GSG1L: variants seen among roughly 807,000 people sequenced by gnomAD.
GSG1L encodes the protein germ cell-specific gene 1-like protein.
GSG1L carries 24 observed loss-of-function variants against 42.1 expected under a neutral mutation model. The observed-to-expected ratio is 0.57, with a 90% CI of 0.41 to 0.80. The LOEUF (loss-of-function observed/expected upper bound fraction) is 0.80, where lower values mean the gene tolerates loss of function less well. Ranked by LOEUF, GSG1L falls within the 30% of genes least tolerant of loss-of-function variation. The probability of loss-of-function intolerance (pLI) is 0.00; values close to 1 mark genes in which losing one functional copy is unlikely to be tolerated. For missense variants in GSG1L, 445 were observed against 472.2 expected (o/e 0.94, Z 0.53); for synonymous variants, 215 against 203.5 (o/e 1.06, Z -0.48).
intron 2 of GSG1L, among the ~76,000 whole-genome samples, chr16:27,947,285 C>A (rs539117973): frequency 6.6e-6 from 1 of 151,712 alleles, no homozygotes; most frequent in Non-Finnish European, 1.5e-5. Flanking sequence ...TACCACTACG[C>A]CTGGCTAATG....
rs74015171 is a variant in GSG1L at position 27,938,711 on chromosome 16, G to A, written c.397+24445C>T. Among the ~76,000 whole-genome samples the A allele has an allele frequency of 5.8e-3, 884 of 152,366 alleles. 12 individuals carry two copies. The highest frequency in any genetic ancestry group is 0.021 in the African/African-American group (857 of 41,588). On this transcript the variant is annotated intron_variant, in intron 2 of 6. Coordinates refer to ENST00000447459, the MANE Select transcript of GSG1L (RefSeq NM_001109763.2). Reference sequence around the variant, plus strand: ...TCTGTTATGTTCAGGACAAGAGTAAGAAGGTGAGGATGGATGGGCTGCTTG... The same window carrying A: ...TCTGTTATGTTCAGGACAAGAGTAAAAAGGTGAGGATGGATGGGCTGCTTG...
intron 4 of GSG1L, among the ~76,000 whole-genome samples, chr16:27,837,762 G>A (rs2083336247): frequency 6.6e-6 from 1 of 151,844 alleles, no homozygotes; most frequent in South Asian, 2.1e-4. Flanking sequence ...ATGTGTGACT[G>A]GAGTAGTGAA....
At chr16:27,858,360 C>A (rs969067583) in intron 3 of GSG1L, among the ~76,000 whole-genome samples, 14 of 152,300 alleles carry the variant, frequency 9.2e-5, no homozygotes, top group African/African-American at 2.9e-4. Context: ...TCATTACACC[C>A]TATTTGAAAA....
At chr16:28,036,415 C>G (rs1237156826) in intron 1 of GSG1L, among the ~76,000 whole-genome samples, 1 of 152,212 alleles carries the variant, frequency 6.6e-6, no homozygotes, top group Non-Finnish European at 1.5e-5. Context: ...GTTAATGATG[C>G]CTTCAACCAG....
intron 1 of GSG1L, among the ~76,000 whole-genome samples, chr16:28,033,547 G>T (rs868549825): frequency 3.3e-5 from 5 of 151,850 alleles, no homozygotes; most frequent in South Asian, 4.2e-4. Context: ...AGGAAAGGAG[G>T]GGAAAGGGAG....
intron 2 of GSG1L, among the ~76,000 whole-genome samples, chr16:27,891,178 G>T (rs2084121192): frequency 6.6e-6 from 1 of 152,216 alleles, no homozygotes; most frequent in Non-Finnish European, 1.5e-5. Context: ...GCCACTGGGG[G>T]CTGTGAGCTA....
In GSG1L at chr16:27,894,605, C is replaced by T. The variant is rs371424613; in HGVS notation, c.398-9967G>A. 3.9e-5 allele frequency among the ~76,000 whole-genome samples: 6 copies of T among 152,202 alleles called. No individual in the cohort carries two copies. The East Asian group carries it at 5.8e-4, about 15-fold the overall frequency. ...ATGTAGATGATGTGGACTGGGACCT[C>T]GGGGGCTGGCAACGTCTCTGTGGCA... is the stretch of plus-strand genomic sequence containing the variant. On this transcript the variant is annotated intron_variant, in intron 2 of 6. Transcript: ENST00000447459.
intron 3 of GSG1L, among the ~76,000 whole-genome samples, chr16:27,846,771 G>A (rs889307889): frequency 2.6e-5 from 4 of 151,864 alleles, no homozygotes; most frequent in East Asian, 1.9e-4. Context: ...TGGCTAATAC[G>A]GTGAAACCCT....
chr16:27,930,711 T>C (rs1048283723), intron 2 of GSG1L, among the ~76,000 whole-genome samples: 6 of 152,302 alleles, frequency 3.9e-5, no homozygotes, highest in African/African-American at 1.4e-4. Context: ...AAGGATGTCA[T>C]TCACAAATGC....
At chr16:27,806,598 C>T (rs544911824) in intron 6 of GSG1L, among the ~76,000 whole-genome samples, 90 of 152,322 alleles carry the variant, frequency 5.9e-4, no homozygotes, top group Non-Finnish European at 1.1e-3. Context: ...GCTGGGGTAT[C>T]TATACACCAA....
chr16:27,952,530 G>A (rs1333921707), intron 2 of GSG1L, among the ~76,000 whole-genome samples: 1 of 152,202 alleles, frequency 6.6e-6, no homozygotes, highest in Non-Finnish European at 1.5e-5. Context: ...GGATAGTTTG[G>A]GGGAAATGGA....
intron 6 of GSG1L, among the ~76,000 whole-genome samples, chr16:27,797,256 G>GCAGTGC (rs2082827500): frequency 6.6e-6 from 1 of 152,142 alleles, no homozygotes; most frequent in South Asian, 2.1e-4. Flanking sequence ...GGGTGCAGTG[G>GCAGTGC]CAGTGCCTGT....
intron 1 of GSG1L, among the ~76,000 whole-genome samples, chr16:28,056,750 A>G (rs1221306558): frequency 6.6e-6 from 1 of 152,078 alleles, no homozygotes. Context: ...GGGCAGCACG[A>G]TGTGACCGGG....
chr16:27,853,024 C>G (rs905010776), intron 3 of GSG1L, among the ~76,000 whole-genome samples: 3 of 152,180 alleles, frequency 2.0e-5, no homozygotes, highest in Non-Finnish European at 4.4e-5. Flanking sequence ...TAGGAGCAAC[C>G]AGGAGAAGCT....
chr16:27,991,633 G>A (rs1012239772), intron 1 of GSG1L, among the ~76,000 whole-genome samples: 2 of 151,746 alleles, frequency 1.3e-5, no homozygotes, highest in Admixed American at 6.6e-5. Context: ...TCAAACTCCT[G>A]ACCTCAGGTG....
chr16:27,850,687 C>T, intron 3 of GSG1L: 1 of 412,374 alleles, frequency 2.4e-6, no homozygotes, highest in South Asian at 1.8e-5. Flanking sequence ...CATAATGCTG[C>T]CTGGGGAAGT....
At chr16:27,931,522 G>A (rs1157923666) in intron 2 of GSG1L, among the ~76,000 whole-genome samples, 2 of 152,256 alleles carry the variant, frequency 1.3e-5, no homozygotes, top group Non-Finnish European at 2.9e-5. Flanking sequence ...GCAATGAGAT[G>A]TCGTTTTATG....
chr16:27,931,036 G>A (rs1036323876), intron 2 of GSG1L, among the ~76,000 whole-genome samples: 1 of 152,130 alleles, frequency 6.6e-6, no homozygotes, highest in African/African-American at 2.4e-5. Flanking sequence ...ATAGGTGTGA[G>A]CCACCGTGCC....
At chr16:27,946,598 AG>A (rs1414795367) in intron 2 of GSG1L, among the ~76,000 whole-genome samples, 7 of 6,714 alleles carry the variant, frequency 1.0e-3, no homozygotes, top group African/African-American at 4.1e-3. Flanking sequence ...AGAGAGAGAG[AG>A]AGAGAGAGAG....
Sources: allele counts gnomAD v4.1 joint callset (sites outside exome capture counted in the v4.1 genomes callset), GRCh38; gene constraint gnomAD v4.1.1; transcripts MANE v1.5; gene names NCBI Gene and HGNC (gene_info 2026-07-23, HGNC 2026-07-21).